RELN: variants seen among roughly 807,000 people sequenced by gnomAD.
RELN encodes the protein reelin.
In RELN, 108 loss-of-function variants were observed where a neutral mutation model predicts 427.6. The ratio of observed to expected loss-of-function variants is 0.25; its 90% CI spans 0.22 to 0.30. The LOEUF (loss-of-function observed/expected upper bound fraction) is 0.30. Among genes scored for constraint, RELN ranks in the 10% least tolerant of loss-of-function variants. The pLI, the probability that RELN is intolerant of heterozygous loss-of-function variation, is 1.00. For synonymous variants in RELN, 1,524 were observed against 1,513.4 expected, an observed-to-expected ratio of 1.01 and a Z score of -0.16; for missense variants, 3,715 against 4,302.8, an observed-to-expected ratio of 0.86 and a Z score of 3.82.
intron 1 of RELN, 93 bp from the exon 2 acceptor site, chr7:103,917,278 C>T: frequency 1.0e-6 from 1 of 975,136 alleles, no homozygotes; most frequent in African/African-American, 1.6e-5. Context: ...ACAATCTTTA[C>T]TCATTAACAA....
chr7:103,636,266 T>C lies in RELN; in HGVS notation c.2272A>G (p.Ile758Val), dbSNP rs1832577631. The C allele has an allele frequency of 6.2e-7, 1 of 1,613,790 alleles. No homozygotes were observed. The highest frequency in any genetic ancestry group is 8.5e-7 in the Non-Finnish European group (1 of 1,179,816). Residue 758 changes from isoleucine to valine, a missense_variant, in exon 18 of 65, where the codon ATT becomes GTT. Ile to Val is a conservative substitution (Grantham distance 29, BLOSUM62 3). This residue lies in a region of RELN where 2,208 missense variants were observed against 2,361.7 expected (regional missense o/e 0.93). Transcript: ENST00000428762. Reference sequence around the variant, plus strand: ...TGTGAGCTGTCAAGGAAAGATGTAATTAGCTGACGCCGCCCATCTTTGTTG... The same window carrying C: ...TGTGAGCTGTCAAGGAAAGATGTAACTAGCTGACGCCGCCCATCTTTGTTG... Reference protein sequence around the residue: ...VFNKDGRRQLITSFLDSSQSR... With the variant: ...VFNKDGRRQLVTSFLDSSQSR...
At chr7:103,670,325 A>C (rs1833363479) in intron 11 of RELN, among the ~76,000 whole-genome samples, 1 of 152,102 alleles carries the variant, frequency 6.6e-6, no homozygotes, top group Non-Finnish European at 1.5e-5. Flanking sequence ...TTTTCCTTTT[A>C]GGAACTTACC....
intron 10 of RELN, among the ~76,000 whole-genome samples, chr7:103,683,762 A>T (rs1400122365): frequency 3.3e-5 from 5 of 152,174 alleles, no homozygotes; most frequent in Non-Finnish European, 7.3e-5. Flanking sequence ...TTAGAGTCTT[A>T]ATAGACTGAC....
intron 28 of RELN, among the ~76,000 whole-genome samples, chr7:103,578,103 A>G (rs1452849976): frequency 6.6e-6 from 1 of 152,208 alleles, no homozygotes; most frequent in Non-Finnish European, 1.5e-5. Flanking sequence ...TGAATGAAGG[A>G]CAAGTGAAAT....
chr7:103,989,496 T>C lies in RELN; in HGVS notation c.-140A>G. On this transcript the variant is annotated 5_prime_UTR_variant, in exon 1 of 65. Transcript: ENST00000428762. The surrounding 1 kb of genome is among the most constrained non-coding windows in gnomAD (Gnocchi z 4.9). ...AGCGGAACGGGCTCGGGAGCGGGCC[T>C]GGGAGCGGGCCCCCGCCGAGAAGTT... The C allele has an allele frequency of 2.9e-6, 2 of 686,540 alleles. No individual in the cohort carries two copies. The highest frequency in any genetic ancestry group is 2.1e-6 in the Non-Finnish European group (1 of 473,548). The allele number at this position is 686,540 out of a possible 1,614,324, so 42.5% of individuals were successfully genotyped here. A position where few individuals can be genotyped will look rare whatever the true frequency, so the allele number is the denominator to read the frequency against.
In RELN at chr7:103,756,579, A is replaced by T. The variant is rs569447055; in HGVS notation, c.545-3365T>A. Among the ~76,000 whole-genome samples, 165 of 152,302 alleles carry T rather than the reference A, an allele frequency of 1.1e-3. 2 individuals carry two copies. Among genetic ancestry groups the T allele is most frequent in the African/African-American group, 3.8e-3 (158 of 41,554 alleles). On this transcript the variant is annotated intron_variant, in intron 4 of 64. Transcript: ENST00000428762. ...CTCCTTAGTTGTAATATATTTTATG[A>T]TATTTCAGAAAATAATTGAAGATCC... is the stretch of plus-strand genomic sequence containing the variant.
chr7:103,813,562 GTACA>G (rs138266759), intron 3 of RELN, among the ~76,000 whole-genome samples: 1,609 of 151,970 alleles, frequency 0.011, 31 homozygotes, highest in African/African-American at 0.037. Context: ...TATAATTTTT[GTACA>G]TACATATATA....
chr7:103,896,888 T>C (rs7808395), intron 2 of RELN, among the ~76,000 whole-genome samples: 73,655 of 151,488 alleles, frequency 0.49, 18,502 homozygotes, highest in East Asian at 0.81. Flanking sequence ...CTCATGCTGC[T>C]AATAAAGACA....
intron 1 of RELN, among the ~76,000 whole-genome samples, chr7:103,979,723 A>C (rs1318520483): frequency 6.6e-6 from 1 of 152,230 alleles, no homozygotes; most frequent in Non-Finnish European, 1.5e-5. Flanking sequence ...CATTTACTGG[A>C]ATTTCCTAAA....
chr7:103,643,832 C>T (rs1832742422), intron 16 of RELN, among the ~76,000 whole-genome samples: 1 of 151,948 alleles, frequency 6.6e-6, no homozygotes, highest in South Asian at 2.1e-4. Flanking sequence ...GCCACAAACT[C>T]CTGAAATCAA....
intron 1 of RELN, among the ~76,000 whole-genome samples, chr7:103,983,211 C>G (rs1444238200): frequency 2.0e-5 from 3 of 152,108 alleles, no homozygotes; most frequent in African/African-American, 7.2e-5. Context: ...CACACACATC[C>G]TCAAATACAT....
At chr7:103,743,937 C>T (rs547964204) in intron 6 of RELN, among the ~76,000 whole-genome samples, 77 of 152,296 alleles carry the variant, frequency 5.1e-4, no homozygotes, top group African/African-American at 1.8e-3. Context: ...CAGAACTCTC[C>T]ACCCCAAATC....
intron 11 of RELN, among the ~76,000 whole-genome samples, chr7:103,667,366 A>G (rs978310381): frequency 6.6e-6 from 1 of 152,222 alleles, no homozygotes; most frequent in Non-Finnish European, 1.5e-5. Flanking sequence ...TTATTTTAAC[A>G]TGTTAAATAA....
intron 1 of RELN, among the ~76,000 whole-genome samples, chr7:103,983,036 C>T (rs1797023884): frequency 6.6e-6 from 1 of 152,136 alleles, no homozygotes; most frequent in Non-Finnish European, 1.5e-5. Context: ...TAAAGGATAA[C>T]CTGCATTTTA....
At chr7:103,567,766 A>G (rs1361325816) in intron 31 of RELN, among the ~76,000 whole-genome samples, 1 of 149,380 alleles carries the variant, frequency 6.7e-6, no homozygotes, top group Non-Finnish European at 1.5e-5. Context: ...TAAAGTTGTT[A>G]TTTTTACTTT....
intron 27 of RELN, among the ~76,000 whole-genome samples, chr7:103,593,079 T>G (rs1584325768): frequency 6.6e-6 from 1 of 152,202 alleles, no homozygotes; most frequent in Non-Finnish European, 1.5e-5. Flanking sequence ...TAAAACTGCA[T>G]TACTTTCAAC....
At chr7:103,893,187 A>T (rs1794886759) in intron 2 of RELN, among the ~76,000 whole-genome samples, 1 of 152,174 alleles carries the variant, frequency 6.6e-6, no homozygotes, top group Non-Finnish European at 1.5e-5. Flanking sequence ...GCCAGCACTC[A>T]GCTAGGGAGA....
chr7:103,938,714 C>G (rs1796041925), intron 1 of RELN, among the ~76,000 whole-genome samples: 1 of 152,060 alleles, frequency 6.6e-6, no homozygotes, highest in Non-Finnish European at 1.5e-5. Flanking sequence ...AATGAGTCAC[C>G]ACATTAGGAC....
At chr7:103,784,312 T>A (rs1791964454) in intron 3 of RELN, among the ~76,000 whole-genome samples, 1 of 152,260 alleles carries the variant, frequency 6.6e-6, no homozygotes, top group Admixed American at 6.6e-5. Context: ...AGAAAATAAC[T>A]TTATGAGTAA....
Sources: gnomAD v4.1 joint callset for allele counts (sites outside exome capture counted in the v4.1 genomes callset) on GRCh38, gnomAD v4.1.1 for gene constraint, gnomAD v4.1.1 regional missense constraint, Gnocchi (gnomAD v3.1) non-coding constraint, MANE v1.5 for transcripts, NCBI Gene and HGNC (gene_info 2026-07-23, HGNC 2026-07-21) for gene names.